HDAC4: variants seen among roughly 807,000 people sequenced by gnomAD.
HDAC4 encodes the protein histone deacetylase 4, also known as histone deacetylase A.
In HDAC4, 16 loss-of-function variants were observed where a neutral mutation model predicts 135.1. The ratio of observed to expected loss-of-function variants is 0.12; its 90% confidence interval spans 0.08 to 0.18. The LOEUF (loss-of-function observed/expected upper bound fraction) is 0.18, where lower values mean the gene tolerates loss of function less well. HDAC4 is among the 10% of genes least tolerant of loss of function. The probability of loss-of-function intolerance (pLI) is 1.00; values close to 1 mark genes in which losing one functional copy is unlikely to be tolerated. For missense variants in HDAC4, 1,143 were observed against 1,511.8 expected, an observed-to-expected ratio of 0.76 and a Z score of 4.05; for synonymous variants, 685 against 653.4, an observed-to-expected ratio of 1.05 and a Z score of -0.74.
chr2:239,063,350 G>A (rs929933156), intron 24 of HDAC4, among the ~76,000 whole-genome samples: 2 of 152,156 alleles, frequency 1.3e-5, no homozygotes, highest in South Asian at 4.1e-4. Context: ...ACAGGCGCCC[G>A]CCACTGCCCC....
chr2:239,167,891 A>G lies in HDAC4; in HGVS notation c.491-3968T>C, dbSNP rs2043207202. On this transcript the variant is annotated intron_variant, in intron 5 of 26. Transcript: ENST00000543185. The surrounding 1 kb of genome is among the most constrained non-coding windows in gnomAD (Gnocchi z 4.1). The stretch of plus-strand genomic sequence containing the variant: ...TACCAGGGGGCAGAGAGTGCACCCG[A>G]GACCTAAGGAATGAGCGAGCAACAG... Among the ~76,000 whole-genome samples the G allele has an allele frequency of 6.7e-6, 1 of 148,882 alleles. No individual in the cohort carries two copies. The highest frequency in any genetic ancestry group is 2.0e-4 in the East Asian group (1 of 4,884).
chr2:239,391,294 C>T (rs1696188815), intron 1 of HDAC4, among the ~76,000 whole-genome samples: 2 of 152,212 alleles, frequency 1.3e-5, no homozygotes, highest in Non-Finnish European at 2.9e-5. Flanking sequence ...ATGACACAGT[C>T]CCTGCAAGGA....
chr2:239,166,989 C>T (rs949807504), intron 5 of HDAC4, among the ~76,000 whole-genome samples: 1 of 152,146 alleles, frequency 6.6e-6, no homozygotes, highest in Non-Finnish European at 1.5e-5. Flanking sequence ...GTAGTCCAAC[C>T]GCAAAATGAT....
At chr2:239,344,273 C>A (rs1692481369) in intron 2 of HDAC4, among the ~76,000 whole-genome samples, 1 of 152,146 alleles carries the variant, frequency 6.6e-6, no homozygotes, top group Non-Finnish European at 1.5e-5. Context: ...TTTTCTATGT[C>A]AAATACATAC....
At chr2:239,339,911 C>T (rs1190383610) in intron 2 of HDAC4, among the ~76,000 whole-genome samples, 1 of 152,190 alleles carries the variant, frequency 6.6e-6, no homozygotes, top group Non-Finnish European at 1.5e-5. Context: ...AAGCCACATC[C>T]ATGCTCAGGC....
At chr2:239,327,045 GA>G (rs560581063) in intron 2 of HDAC4, among the ~76,000 whole-genome samples, 1 of 152,248 alleles carries the variant, frequency 6.6e-6, no homozygotes, top group Admixed American at 6.5e-5. Flanking sequence ...CCTGTTTCTG[GA>G]AAAAAACCCT....
chr2:239,202,650 G>A (rs143726539), intron 3 of HDAC4, among the ~76,000 whole-genome samples: 9 of 152,214 alleles, frequency 5.9e-5, no homozygotes, highest in African/African-American at 1.2e-4. Context: ...CACCCTCCAC[G>A]CGGGAGGGGC....
At chr2:239,367,022 G>A (rs62182153) in intron 1 of HDAC4, among the ~76,000 whole-genome samples, 8,856 of 136,996 alleles carry the variant, frequency 0.065, 476 homozygotes, top group Non-Finnish European at 0.092. Context: ...AGGCACTTGC[G>A]GATGGAAAAC....
At chr2:239,273,908 TG>T (rs2125269501) in intron 2 of HDAC4, among the ~76,000 whole-genome samples, 1 of 152,338 alleles carries the variant, frequency 6.6e-6, no homozygotes, top group Admixed American at 6.5e-5. Context: ...GAAAACTTTT[TG>T]AGACAATGGG....
rs995161121 is a variant in HDAC4 at position 239,313,780 on chromosome 2, G to A, written c.22+38898C>T. 6.6e-6 allele frequency among the ~76,000 whole-genome samples: 1 copy of A among 152,218 alleles called. No homozygotes were observed. The highest frequency in any genetic ancestry group is 2.4e-5 in the African/African-American group (1 of 41,456). On this transcript the variant is annotated intron_variant, in intron 2 of 26. Transcript: ENST00000543185. The surrounding 1 kb of genome is among the most constrained non-coding windows in gnomAD (Gnocchi z 5.1). ...GACGTCTAATTATACTCAGGGCTGAGTTGGCTGAAGAGTGAGGAATATACT... is the reference window on the plus strand; with the variant it reads ...GACGTCTAATTATACTCAGGGCTGAATTGGCTGAAGAGTGAGGAATATACT...
At chr2:239,199,359 G>T (rs2045610701) in intron 3 of HDAC4, among the ~76,000 whole-genome samples, 1 of 152,152 alleles carries the variant, frequency 6.6e-6, no homozygotes. Context: ...TCTCATCAGG[G>T]TTAAAAACAG....
At chr2:239,196,218 A>G (rs2153059933) in intron 3 of HDAC4, among the ~76,000 whole-genome samples, 1 of 152,324 alleles carries the variant, frequency 6.6e-6, no homozygotes, top group East Asian at 1.9e-4. Flanking sequence ...TGCATGACTT[A>G]GCTACAATGT....
intron 2 of HDAC4, among the ~76,000 whole-genome samples, chr2:239,283,898 T>C (rs1270367438): frequency 6.6e-6 from 1 of 152,294 alleles, no homozygotes; most frequent in African/African-American, 2.4e-5. Flanking sequence ...GGAGGGGCCA[T>C]GTAGTGCCGG....
chr2:239,375,763 C>A (rs537596905), intron 1 of HDAC4, among the ~76,000 whole-genome samples: 1 of 152,200 alleles, frequency 6.6e-6, no homozygotes, highest in Non-Finnish European at 1.5e-5. Context: ...TCTGGACGGG[C>A]GTTTCCTCCA....
chr2:239,337,016 G>A (rs573489335), intron 2 of HDAC4, among the ~76,000 whole-genome samples: 1 of 152,256 alleles, frequency 6.6e-6, no homozygotes, highest in South Asian at 2.1e-4. Flanking sequence ...CTGTAGGAAG[G>A]GTGTCTACTG....
chr2:239,238,855 G>A (rs1452263260), intron 2 of HDAC4, among the ~76,000 whole-genome samples: 1 of 152,208 alleles, frequency 6.6e-6, no homozygotes, highest in East Asian at 1.9e-4. Context: ...AGATCAAGGT[G>A]CAGCTTAGTG....
intron 3 of HDAC4, among the ~76,000 whole-genome samples, chr2:239,194,797 T>C (rs1338377141): frequency 6.6e-6 from 1 of 152,174 alleles, no homozygotes; most frequent in Admixed American, 6.5e-5. Context: ...GGCCAGCAAC[T>C]GAGGAGGAGG....
intron 3 of HDAC4, among the ~76,000 whole-genome samples, chr2:239,214,504 T>A (rs1187446110): frequency 6.6e-6 from 1 of 152,168 alleles, no homozygotes; most frequent in East Asian, 1.9e-4. Flanking sequence ...GGGGGTTCCA[T>A]TATTCTGTCA....
At chr2:239,250,370 T>G (rs771993610) in intron 2 of HDAC4, among the ~76,000 whole-genome samples, 18 of 152,232 alleles carry the variant, frequency 1.2e-4, no homozygotes, top group Non-Finnish European at 2.5e-4. Context: ...CGGGGCCACC[T>G]GGCCAGAACC....
Sources: allele counts gnomAD v4.1 joint callset (sites outside exome capture counted in the v4.1 genomes callset), GRCh38; gene constraint gnomAD v4.1.1; non-coding constraint Gnocchi (gnomAD v3.1); transcripts MANE v1.5; gene names NCBI Gene and HGNC (gene_info 2026-07-23, HGNC 2026-07-21).